Variants in MAP2 observed in about 807,000 individuals in gnomAD.
The protein encoded by MAP2 is microtubule associated protein 2, also known as microtubule-associated protein 2.
MAP2 carries 14 observed loss-of-function variants against 137.6 expected under a neutral mutation model. The observed-to-expected ratio is 0.10, with a 90% CI of 0.07 to 0.16. The LOEUF (loss-of-function observed/expected upper bound fraction) is 0.16, where lower values mean the gene tolerates loss of function less well. MAP2 is among the 10% of genes least tolerant of loss of function. MAP2 has a pLI of 1.00. For missense variants in MAP2, 2,088 were observed against 2,191.5 expected (o/e 0.95, Z 0.94); for synonymous variants, 786 against 782.3 (o/e 1.00, Z -0.08).
At chr2:209,678,812 C>A in intron 6 of MAP2, 127 bp downstream of exon 6, 1 of 480,482 alleles carries the variant, frequency 2.1e-6, no homozygotes. Context: ...CATCAGACAC[C>A]TTGACTGGGT....
intron 1 of MAP2, among the ~76,000 whole-genome samples, chr2:209,496,745 A>G (rs1351243734): frequency 1.3e-5 from 2 of 152,012 alleles, no homozygotes; most frequent in Admixed American, 1.3e-4. Context: ...CACTCTCAAA[A>G]TTCTCTTGGC....
At chr2:209,434,943 G>GTTATATATATATGTTATATATATA (rs1559157760) in intron 1 of MAP2, among the ~76,000 whole-genome samples, 9 of 128,872 alleles carry the variant, frequency 7.0e-5, no homozygotes, top group African/African-American at 2.7e-4. Flanking sequence ...TTATATATAT[G>GTTATATATATATGTTATATATATA]TGTTTTATAT....
chr2:209,702,040 G>A (rs1048725943), intron 11 of MAP2, among the ~76,000 whole-genome samples: 5 of 152,086 alleles, frequency 3.3e-5, no homozygotes, highest in African/African-American at 1.2e-4. Flanking sequence ...TTAGAACATA[G>A]CATTCATTTA....
At position 209,532,906 on chromosome 2, in the gene MAP2, C is replaced by G. The variant is rs147534620; in HGVS notation, c.-172+25265C>G. Among the ~76,000 whole-genome samples, 228 of 152,292 alleles carry G rather than the reference C, an allele frequency of 1.5e-3. 1 individual carries two copies. The highest frequency in any genetic ancestry group is 2.6e-3 in the Non-Finnish European group (174 of 68,020). On this transcript the variant is annotated intron_variant, in intron 2 of 15. Transcript: ENST00000682079. ...TCTTAAAAACTAGGCTTAGCCTGCT[C>G]TCTGGTGAACTCATGAAATAGCTGG...
chr2:209,581,179 A>C (rs1051691472), intron 3 of MAP2, among the ~76,000 whole-genome samples: 5 of 152,288 alleles, frequency 3.3e-5, no homozygotes, highest in African/African-American at 1.2e-4. Context: ...AATATCTGCA[A>C]TGTATAATCA....
intron 6 of MAP2, among the ~76,000 whole-genome samples, chr2:209,680,306 CAT>C (rs1382597004): frequency 1.5e-4 from 23 of 152,216 alleles, no homozygotes; most frequent in African/African-American, 2.9e-4. Context: ...CAAGATAACA[CAT>C]GTTTCCAGAT....
chr2:209,442,107 G>A (rs1022176715), intron 1 of MAP2, among the ~76,000 whole-genome samples: 2 of 151,526 alleles, frequency 1.3e-5, no homozygotes, highest in Non-Finnish European at 3.0e-5. Context: ...TTCTACAAAT[G>A]TAAGTGCTTC....
intron 13 of MAP2, 98 bp downstream of exon 13, chr2:209,710,352 G>GT (rs888411247): frequency 9.5e-7 from 1 of 1,047,160 alleles, no homozygotes; most frequent in African/African-American, 1.6e-5. Context: ...AAGCAGAGGT[G>GT]TTAAAGAGCT....
At chr2:209,573,660 A>G (rs1268880077) in intron 2 of MAP2, among the ~76,000 whole-genome samples, 3 of 152,172 alleles carry the variant, frequency 2.0e-5, no homozygotes, top group African/African-American at 4.8e-5. Flanking sequence ...TCACTCGTAT[A>G]CAATTCAGCA....
In MAP2 at chr2:209,696,100, T is replaced by A. The variant is rs781338560; in HGVS notation, c.3930T>A (p.Arg1310=). The part of the protein sequence containing the change: ...DEGESGSHSV[R]FAALEQPEVE... ...GGGAGTCAGGGTCCCACAGCGTGCG[T>A]TTTGCAGCCCTAGAGCAGCCTGAGG... is the stretch of plus-strand genomic sequence containing the variant. The change falls in exon 8 of 16, where the codon CGT becomes CGA. Residue 1310 remains arginine, a synonymous_variant. Transcript: ENST00000682079. 2 of 1,613,908 alleles carry A rather than the reference T, an allele frequency of 1.2e-6. No individual in the cohort carries two copies. Among genetic ancestry groups the A allele is most frequent in the East Asian group, 4.5e-5 (2 of 44,856 alleles).
At chr2:209,535,565 T>C (rs1376081759) in intron 2 of MAP2, among the ~76,000 whole-genome samples, 1 of 152,022 alleles carries the variant, frequency 6.6e-6, no homozygotes, top group Non-Finnish European at 1.5e-5. Flanking sequence ...TGTCTTTTTT[T>C]TTTTTTTCTG....
In MAP2 at chr2:209,695,672, A is replaced by C. The variant is rs752601755; in HGVS notation, c.3502A>C (p.Lys1168Gln). ...TCTAATTCAAGATGAGATTGCCGTC[A>C]AATTGTCAGTGGAAATACCTTGCCC... ...SSLIQDEIAV[K>Q]LSVEIPCPPA... Residue 1168 changes from lysine (K) to glutamine (Q), a missense_variant, in exon 8 of 16, where the codon AAA (lysine) becomes CAA (glutamine). Physicochemically the swap from Lys to Gln is moderately conservative, Grantham distance 53. Transcript: ENST00000682079. 4 of 1,614,166 alleles carry C rather than the reference A, an allele frequency of 2.5e-6. No homozygotes were observed. In the South Asian group the frequency reaches 4.4e-5, roughly 18 times the overall value.
intron 13 of MAP2, chr2:209,723,613 A>T (rs911107549): frequency 6.2e-7 from 1 of 1,612,698 alleles, no homozygotes; most frequent in Non-Finnish European, 8.5e-7. Flanking sequence ...TTTAAACAAG[A>T]AGATCGATTT....
intron 7 of MAP2, chr2:209,684,627 A>G (rs1465181775): frequency 6.6e-6 from 1 of 152,238 alleles, no homozygotes; most frequent in Non-Finnish European, 1.5e-5. Flanking sequence ...CAATGAAAGC[A>G]AACTAGGGAA....
chr2:209,703,175 A>T (rs2062275753), intron 11 of MAP2, among the ~76,000 whole-genome samples: 1 of 152,128 alleles, frequency 6.6e-6, no homozygotes, highest in Non-Finnish European at 1.5e-5. Flanking sequence ...GTCTTTGCAT[A>T]AAAATGTTAT....
intron 3 of MAP2, among the ~76,000 whole-genome samples, chr2:209,598,194 T>G (rs2081878164): frequency 6.6e-6 from 1 of 151,452 alleles, no homozygotes. Flanking sequence ...TTAGTAGAGA[T>G]GGGGGTTTCA....
At chr2:209,621,370 T>C (rs1042058489) in intron 3 of MAP2, among the ~76,000 whole-genome samples, 1 of 150,312 alleles carries the variant, frequency 6.7e-6, no homozygotes, top group African/African-American at 2.5e-5. Context: ...GTGATTCTGT[T>C]TCCTCAGCTT....
rs185311498 is a variant in MAP2 at position 209,656,529 on chromosome 2, T to C, written c.262+3097T>C. 1.8e-3 allele frequency among the ~76,000 whole-genome samples: 270 copies of C among 151,902 alleles called. 1 individual carries two copies. Among genetic ancestry groups the C allele is most frequent in the Non-Finnish European group, 3.1e-3 (211 of 67,986 alleles). Reference sequence around the variant, plus strand: ...TGTCTCAAAAAAAAAATAATAATAATAATCTAGATTTTGTCCCCTTTTTTA... The same window carrying C: ...TGTCTCAAAAAAAAAATAATAATAACAATCTAGATTTTGTCCCCTTTTTTA... On this transcript the variant is annotated intron_variant, in intron 5 of 15. Transcript: ENST00000682079.
intron 2 of MAP2, among the ~76,000 whole-genome samples, chr2:209,511,354 T>G (rs2061696305): frequency 6.6e-6 from 1 of 152,094 alleles, no homozygotes; most frequent in South Asian, 2.1e-4. Flanking sequence ...CCCTATCCTA[T>G]CTTGCTCCCA....
Sources: allele counts gnomAD v4.1 joint callset (sites outside exome capture counted in the v4.1 genomes callset), GRCh38; gene constraint gnomAD v4.1.1; transcripts MANE v1.5; gene names NCBI Gene and HGNC (gene_info 2026-07-23, HGNC 2026-07-21).